The following ABCC1 variants were observed in gnomAD, a reference collection of about 807,000 sequenced individuals.
ABCC1 encodes multidrug resistance-associated protein 1.
ABCC1 carries 83 observed loss-of-function variants against 172.9 expected under a neutral mutation model. That is an observed-to-expected ratio of 0.48 (90% CI 0.40 to 0.58). The LOEUF (loss-of-function observed/expected upper bound fraction) is 0.58, where lower values mean the gene tolerates loss of function less well. Among genes scored for constraint, ABCC1 ranks in the 20% least tolerant of loss-of-function variants. The probability of loss-of-function intolerance (pLI) is 0.00; values close to 1 mark genes in which losing one functional copy is unlikely to be tolerated. For missense variants in ABCC1, 1,817 were observed against 2,002.7 expected (o/e 0.91, Z 1.77); for synonymous variants, 937 against 825.2 (o/e 1.14, Z -2.32).
chr16:16,113,135 C>T (rs145371864), intron 22 of ABCC1, among the ~76,000 whole-genome samples: 3 of 152,250 alleles, frequency 2.0e-5, no homozygotes, highest in Non-Finnish European at 2.9e-5. Context: ...GAAAACCCAG[C>T]GGTAGCAGAG....
rs554810523 is a variant in ABCC1, at chr16:15,951,818, T to C, written c.48+2019T>C. 3.9e-5 allele frequency among the ~76,000 whole-genome samples: 6 copies of C among 152,300 alleles called. No homozygotes were observed. In the East Asian group the frequency reaches 9.6e-4, roughly 24 times the overall value. On this transcript the variant is annotated intron_variant, in intron 1 of 30. Transcript: ENST00000399410. ...GGTCCTCCTAACTCAGCCTCCCAAG[T>C]ACCTGGGACTATAGGCGTGTGCCAC...
At chr16:16,009,392 G>A (rs890412484) in intron 2 of ABCC1, among the ~76,000 whole-genome samples, 2 of 152,134 alleles carry the variant, frequency 1.3e-5, no homozygotes, top group African/African-American at 2.4e-5. Context: ...ACCCGTAGAG[G>A]GCTCTCAGTA....
chr16:16,008,033 G>T, intron 2 of ABCC1, 41 bp downstream of exon 2: 1 of 1,423,826 alleles, frequency 7.0e-7, no homozygotes, highest in Non-Finnish European at 9.7e-7. Context: ...GTGGGAAGGT[G>T]CACCTGGACG....
At chr16:15,952,856 C>A (rs2045907548) in intron 1 of ABCC1, among the ~76,000 whole-genome samples, 1 of 147,734 alleles carries the variant, frequency 6.8e-6, no homozygotes, top group Non-Finnish European at 1.5e-5. Flanking sequence ...ATGGATTGAC[C>A]CCCGTCTCTA....
intron 24 of ABCC1, among the ~76,000 whole-genome samples, chr16:16,124,408 T>TGTGG (rs2045342129): frequency 6.7e-6 from 1 of 148,308 alleles, no homozygotes; most frequent in Admixed American, 6.7e-5. Context: ...TGTGTGTGTG[T>TGTGG]GTATGTGTGT....
At chr16:15,966,309 G>T (rs1225605617) in intron 1 of ABCC1, among the ~76,000 whole-genome samples, 1 of 151,914 alleles carries the variant, frequency 6.6e-6, no homozygotes, top group East Asian at 1.9e-4. Context: ...TTACTCGGGA[G>T]GCTGAGGCGG....
chr16:16,138,549 A>G lies in ABCC1; in HGVS notation c.4478A>G (p.Asp1493Gly). The G allele has an allele frequency of 1.3e-6, 2 of 1,592,660 alleles. No individual in the cohort carries two copies. The highest frequency in any genetic ancestry group is 1.1e-5 in the South Asian group (1 of 89,924). Residue 1493 changes from aspartate (D) to glycine (G), a missense_variant, in exon 30 of 31, where the codon GAC (aspartate) becomes GGC (glycine). Asp to Gly is a moderately conservative substitution (Grantham distance 94). Around this residue, in one of 3 missense-constraint regions of ABCC1, gnomAD observed 1,412 missense variants for 1,600.3 expected, o/e 0.88. Transcript: ENST00000399410. The stretch of plus-strand genomic sequence containing the variant: ...GCCCACCGGCTCAACACCATCATGG[A>G]CTACACAAGGTGATGCCACTGGCAC... ...TIAHRLNTIM[D>G]YTRVIVLDKG...
At chr16:16,059,540 C>T (rs1467062525) in intron 12 of ABCC1, among the ~76,000 whole-genome samples, 9 of 152,086 alleles carry the variant, frequency 5.9e-5, no homozygotes, top group Admixed American at 5.9e-4. Context: ...CGCAGGGGCT[C>T]ATGCCTGTAA....
intron 20 of ABCC1, 147 bp from the exon 21 acceptor site, chr16:16,106,591 T>C: frequency 1.1e-6 from 1 of 872,932 alleles, no homozygotes; most frequent in East Asian, 2.7e-5. Flanking sequence ...GGTGCATATA[T>C]TCATATATAT....
At chr16:15,995,977 GTT>G (rs565769136) in intron 1 of ABCC1, among the ~76,000 whole-genome samples, 4 of 98,600 alleles carry the variant, frequency 4.1e-5, no homozygotes, top group Admixed American at 2.4e-4. Flanking sequence ...GCCCAGCTAA[GTT>G]TTTTTTTTTT....
At chr16:16,115,502 C>T (rs975917200) in intron 23 of ABCC1, among the ~76,000 whole-genome samples, 2 of 152,022 alleles carry the variant, frequency 1.3e-5, no homozygotes, top group African/African-American at 2.4e-5. Context: ...CGCACCACCA[C>T]GGCCGGCTAA....
chr16:16,043,044 G>A (rs1241165104), intron 7 of ABCC1, among the ~76,000 whole-genome samples: 1 of 151,458 alleles, frequency 6.6e-6, no homozygotes, highest in African/African-American at 2.4e-5. Flanking sequence ...TATATTTTTA[G>A]TAGAGACAAG....
At chr16:16,034,777 G>C (rs562870592) in intron 6 of ABCC1, among the ~76,000 whole-genome samples, 1 of 151,712 alleles carries the variant, frequency 6.6e-6, no homozygotes, top group African/African-American at 2.4e-5. Flanking sequence ...TAGTAGAGAT[G>C]GAGTTTCACT....
At chr16:16,089,750 G>A (rs902286536) in intron 18 of ABCC1, among the ~76,000 whole-genome samples, 31 of 150,330 alleles carry the variant, frequency 2.1e-4, no homozygotes, top group Non-Finnish European at 3.3e-4. Context: ...GGTGGCGGGC[G>A]CATGTAATCC....
intron 5 of ABCC1, among the ~76,000 whole-genome samples, chr16:16,025,827 C>T (rs1419418810): frequency 2.6e-5 from 4 of 152,204 alleles, no homozygotes. Context: ...CTGCCTTCAG[C>T]CAGGACTTCT....
intron 11 of ABCC1, among the ~76,000 whole-genome samples, chr16:16,055,428 T>C (rs1000314048): frequency 6.6e-6 from 1 of 151,894 alleles, no homozygotes. Context: ...CAGGCGTTTA[T>C]AGTCCCAGCT....
intron 19 of ABCC1, among the ~76,000 whole-genome samples, chr16:16,101,014 G>T (rs1039330679): frequency 1.4e-5 from 2 of 143,170 alleles, no homozygotes; most frequent in African/African-American, 5.6e-5. Flanking sequence ...GTGTTTTTTA[G>T]ATTTTTTTTT....
intron 1 of ABCC1, among the ~76,000 whole-genome samples, chr16:15,988,203 C>T (rs1190708568): frequency 6.6e-6 from 1 of 152,168 alleles, no homozygotes; most frequent in African/African-American, 2.4e-5. Flanking sequence ...TAGGTGTGAG[C>T]CACTGTGCCT....
intron 5 of ABCC1, among the ~76,000 whole-genome samples, chr16:16,023,642 G>A (rs1239163980): frequency 6.6e-6 from 1 of 152,184 alleles, no homozygotes; most frequent in Non-Finnish European, 1.5e-5. Flanking sequence ...TGGAAGGTGG[G>A]TGGCAGGCAG....
Sources: gnomAD v4.1 joint callset for allele counts (sites outside exome capture counted in the v4.1 genomes callset) on GRCh38, gnomAD v4.1.1 for gene constraint, gnomAD v4.1.1 regional missense constraint, MANE v1.5 for transcripts, NCBI Gene and HGNC (gene_info 2026-07-23, HGNC 2026-07-21) for gene names.